PODXL: variants seen among roughly 807,000 people sequenced by gnomAD.
PODXL encodes podocalyxin.
Under a neutral mutation model 48.9 loss-of-function variants are expected in PODXL, and 20 were observed. That is an observed-to-expected ratio of 0.41 (90% confidence interval 0.29 to 0.59). PODXL has a LOEUF of 0.59. Ranked by LOEUF, PODXL falls within the 20% of genes least tolerant of loss-of-function variation. PODXL has a pLI of 0.31. For missense variants in PODXL, 606 were observed against 675.1 expected, an observed-to-expected ratio of 0.90 and a Z score of 1.13; for synonymous variants, 295 against 287.4, an observed-to-expected ratio of 1.03 and a Z score of -0.27.
At chr7:131,520,877 A>G (rs1798081107) in intron 1 of PODXL, among the ~76,000 whole-genome samples, 1 of 152,240 alleles carries the variant, frequency 6.6e-6, no homozygotes, top group Non-Finnish European at 1.5e-5. Flanking sequence ...TACAAGAAAA[A>G]AGCTGAGAGG....
At chr7:131,520,344 C>A (rs1798072306) in intron 1 of PODXL, 1 of 518,402 alleles carries the variant, frequency 1.9e-6, no homozygotes, top group Middle Eastern at 3.1e-4. Context: ...CTCATCAAAG[C>A]TGTCTGGGCC....
intron 1 of PODXL, 26 bp downstream of exon 1, chr7:131,556,234 C>T (rs768107084): frequency 1.3e-5 from 19 of 1,455,316 alleles, no homozygotes; most frequent in Non-Finnish European, 1.5e-5. Context: ...GTGGGAGTCC[C>T]GGCGGAACCC....
intron 1 of PODXL, among the ~76,000 whole-genome samples, chr7:131,531,040 A>G (rs1261458006): frequency 6.6e-6 from 1 of 152,092 alleles, no homozygotes; most frequent in Non-Finnish European, 1.5e-5. Flanking sequence ...TCTGGGCAAC[A>G]AGAGCAAAAC....
At chr7:131,511,746 A>G (rs964166171) in intron 1 of PODXL, among the ~76,000 whole-genome samples, 1 of 151,982 alleles carries the variant, frequency 6.6e-6, no homozygotes, top group Non-Finnish European at 1.5e-5. Context: ...GTGAGCCACC[A>G]CGCCTGGCAT....
At chr7:131,530,965 G>A (rs1798270504) in intron 1 of PODXL, among the ~76,000 whole-genome samples, 1 of 152,164 alleles carries the variant, frequency 6.6e-6, no homozygotes, top group Admixed American at 6.5e-5. Flanking sequence ...GGCTGAGACA[G>A]GAGAATCGCT....
intron 8 of PODXL, among the ~76,000 whole-genome samples, chr7:131,505,334 G>A (rs1381224251): frequency 6.6e-6 from 1 of 152,218 alleles, no homozygotes; most frequent in African/African-American, 2.4e-5. Flanking sequence ...TCAAGGTCAG[G>A]GCCAGGACTA....
intron 8 of PODXL, 54 bp downstream of exon 8, chr7:131,505,814 G>T: frequency 1.3e-6 from 2 of 1,483,766 alleles, no homozygotes; most frequent in Non-Finnish European, 9.0e-7. Context: ...CGAGGGGAGG[G>T]TTCCTCTGGT....
Position 131,536,999 on chromosome 7 carries a change from C to G in PODXL, c.100+19261G>C, listed in dbSNP as rs138450829. 2.5e-3 allele frequency among the ~76,000 whole-genome samples: 380 copies of G among 152,232 alleles called. 2 individuals carry two copies. Among genetic ancestry groups the G allele is most frequent in the African/African-American group, 9.0e-3 (374 of 41,544 alleles). On this transcript the variant is annotated intron_variant, in intron 1 of 8. Transcript: ENST00000378555. The stretch of plus-strand genomic sequence containing the variant: ...AATGAGCTGGGTGTGGTGGCGCACA[C>G]CTGTAGTCCCAGCTCCTCAGGAGGC...
chr7:131,532,207 G>A (rs1388668393), intron 1 of PODXL, among the ~76,000 whole-genome samples: 2 of 150,834 alleles, frequency 1.3e-5, no homozygotes, highest in East Asian at 1.9e-4. Flanking sequence ...AGGCCGAGGA[G>A]GGTGGATCAC....
At chr7:131,521,353 A>G (rs1174517673) in intron 1 of PODXL, among the ~76,000 whole-genome samples, 1 of 65,606 alleles carries the variant, frequency 1.5e-5, no homozygotes, top group Non-Finnish European at 4.5e-5. Flanking sequence ...TTTTTTTTTG[A>G]GACGGAGTCT....
intron 1 of PODXL, among the ~76,000 whole-genome samples, chr7:131,552,281 C>T (rs1648609092): frequency 6.6e-6 from 1 of 152,202 alleles, no homozygotes; most frequent in South Asian, 2.1e-4. Context: ...GTGGAGGAGA[C>T]ACACAGATCA....
chr7:131,556,195 C>A, intron 1 of PODXL, 65 bp downstream of exon 1: 1 of 1,374,716 alleles, frequency 7.3e-7, no homozygotes, highest in Non-Finnish European at 9.4e-7. Flanking sequence ...TTCCCTGCAG[C>A]TCGGCCGGGC....
intron 1 of PODXL, among the ~76,000 whole-genome samples, chr7:131,549,896 G>C (rs1048448325): frequency 3.9e-5 from 6 of 152,224 alleles, no homozygotes; most frequent in African/African-American, 7.2e-5. Context: ...GTCGGGGAAG[G>C]GGGTGGGGAT....
chr7:131,539,210 G>A (rs1798433814), intron 1 of PODXL, among the ~76,000 whole-genome samples: 1 of 152,228 alleles, frequency 6.6e-6, no homozygotes, highest in African/African-American at 2.4e-5. Context: ...CAGAAAAAGT[G>A]AGCTCTGCAA....
Position 131,501,761 on chromosome 7 carries a change from CAG to C in PODXL, c.*2548_*2549del, listed in dbSNP as rs1358475089. On this transcript the variant is annotated 3_prime_UTR_variant, in exon 9 of 9. Transcript: ENST00000378555. ...CCAGACCCAATGCTCTCTGAATTAT[CAG>C]AGAGCATTTAGAACCCAGTAAAGGT... The C allele has an allele frequency of 6.6e-6, 1 of 152,178 alleles. No homozygotes were observed. Among genetic ancestry groups the C allele is most frequent in the Non-Finnish European group, 1.5e-5 (1 of 68,036 alleles). 9.4% of individuals were successfully genotyped at this position (152,178 alleles called of 1,614,324 possible).
chr7:131,521,207 C>A (rs1241834128), intron 1 of PODXL, among the ~76,000 whole-genome samples: 1 of 151,606 alleles, frequency 6.6e-6, no homozygotes, highest in Admixed American at 6.6e-5. Context: ...TTTTCTTGAG[C>A]CCTGAGGTCA....
chr7:131,511,074 C>T lies in PODXL; in HGVS notation c.460G>A (p.Asp154Asn), dbSNP rs750082175. The change falls in exon 2 of 9, where the codon GAT (aspartate) becomes AAT (asparagine). Residue 154 changes from aspartate to asparagine, a missense_variant. Asp to Asn is a conservative substitution (Grantham distance 23, BLOSUM62 1). Transcript: ENST00000378555. ...NTTSSQNGAE[D>N]TTNSGGKSSH... ...CTTTTCCCCCCAGAGTTTGTTGTATCTTCTGCTCCATTCTGGCTGCTTGTG... is the reference window on the plus strand; with the variant it reads ...CTTTTCCCCCCAGAGTTTGTTGTATTTTCTGCTCCATTCTGGCTGCTTGTG... 16 of 1,613,902 alleles carry T rather than the reference C, an allele frequency of 9.9e-6. No homozygotes were observed. In the African/African-American group the frequency reaches 1.2e-4, roughly 12 times the overall value.
intron 1 of PODXL, among the ~76,000 whole-genome samples, chr7:131,548,584 G>A (rs1210713154): frequency 2.0e-5 from 3 of 152,224 alleles, no homozygotes; most frequent in East Asian, 3.8e-4. Flanking sequence ...ACGAGGCCAC[G>A]TGTGAATGAT....
rs149266966 is a variant in PODXL at position 131,528,731 on chromosome 7, G to A, written c.101-17298C>T. ...CAGCTGCTTGATGTAGAAAAATGGA[G>A]GCAAAGGTTTATCTGAGAATGGGGG... On this transcript the variant is annotated intron_variant, in intron 1 of 8. Coordinates refer to ENST00000378555, the MANE Select transcript of PODXL (RefSeq NM_001018111.3). Among the ~76,000 whole-genome samples the A allele has an allele frequency of 6.5e-3, 994 of 152,282 alleles. 14 individuals are homozygous for A. Among genetic ancestry groups the A allele is most frequent in the African/African-American group, 0.022 (912 of 41,534 alleles).
Sources: gnomAD v4.1 joint callset for allele counts (sites outside exome capture counted in the v4.1 genomes callset) on GRCh38, gnomAD v4.1.1 for gene constraint, MANE v1.5 for transcripts, NCBI Gene and HGNC (gene_info 2026-07-23, HGNC 2026-07-21) for gene names.